The following CDH2 variants were observed in gnomAD, a reference collection of about 807,000 sequenced individuals.
CDH2 encodes the protein cadherin-2.
In CDH2, 17 loss-of-function variants were observed where a neutral mutation model predicts 92.0. The ratio of observed to expected loss-of-function variants is 0.18; its 90% confidence interval spans 0.13 to 0.28. CDH2 has a LOEUF of 0.28. CDH2 is among the 10% of genes least tolerant of loss of function. The probability of loss-of-function intolerance (pLI) is 1.00; values close to 1 mark genes in which losing one functional copy is unlikely to be tolerated. For missense variants in CDH2, 862 were observed against 1,133.1 expected (o/e 0.76, Z 3.44); for synonymous variants, 419 against 415.9 (o/e 1.01, Z -0.09).
intron 14 of CDH2, among the ~76,000 whole-genome samples, chr18:27,973,605 G>C (rs868025423): frequency 6.6e-6 from 1 of 152,170 alleles, no homozygotes; most frequent in South Asian, 2.1e-4. Flanking sequence ...CCCATTGTGG[G>C]TGAGGTAAAA....
chr18:28,061,144 T>C (rs1245595220), intron 2 of CDH2, among the ~76,000 whole-genome samples: 1 of 152,200 alleles, frequency 6.6e-6, no homozygotes. Context: ...CTTCTCAGTG[T>C]GGCCATGTAT....
At chr18:28,136,836 G>A (rs946405835) in intron 2 of CDH2, among the ~76,000 whole-genome samples, 3 of 151,986 alleles carry the variant, frequency 2.0e-5, no homozygotes, top group African/African-American at 4.8e-5. Context: ...AGAATCACTC[G>A]GAATTCACTT....
At chr18:28,113,050 T>C (rs188218541) in intron 2 of CDH2, among the ~76,000 whole-genome samples, 4 of 152,252 alleles carry the variant, frequency 2.6e-5, no homozygotes, top group Admixed American at 2.6e-4. Context: ...TAAATCTCCT[T>C]TCAATACAAC....
intron 2 of CDH2, among the ~76,000 whole-genome samples, chr18:28,143,687 A>AAT (rs3033680): frequency 0.99 from 151,024 of 152,028 alleles, 75,026 homozygotes; most frequent in South Asian, 1. Flanking sequence ...GTTATACCAT[A>AAT]AGTTTTTTAT....
intron 2 of CDH2, among the ~76,000 whole-genome samples, chr18:28,107,878 A>G (rs985073542): frequency 6.6e-6 from 1 of 152,208 alleles, no homozygotes; most frequent in Admixed American, 6.5e-5. Flanking sequence ...AGGAAAAAAG[A>G]AAAAAGAAAA....
chr18:28,151,022 CA>C (rs924697942), intron 1 of CDH2, among the ~76,000 whole-genome samples: 5 of 152,196 alleles, frequency 3.3e-5, no homozygotes, highest in Non-Finnish European at 7.3e-5. Flanking sequence ...GCTTACTTTG[CA>C]CCAAGCACTG....
intron 2 of CDH2, among the ~76,000 whole-genome samples, chr18:28,106,636 T>C (rs1475924658): frequency 6.6e-6 from 1 of 152,140 alleles, no homozygotes; most frequent in Non-Finnish European, 1.5e-5. Context: ...ACTTTTCTGT[T>C]TGTAAATTTC....
chr18:28,104,588 G>A (rs2015289893), intron 2 of CDH2, among the ~76,000 whole-genome samples: 1 of 151,126 alleles, frequency 6.6e-6, no homozygotes, highest in South Asian at 2.1e-4. Flanking sequence ...CTTTATCCAA[G>A]ATAATCATCT....
At chr18:28,167,285 C>T (rs1398993709) in intron 1 of CDH2, among the ~76,000 whole-genome samples, 1 of 152,058 alleles carries the variant, frequency 6.6e-6, no homozygotes, top group Non-Finnish European at 1.5e-5. Context: ...TGCCAAACTA[C>T]CAGAACTATG....
At chr18:27,943,935 G>A (rs75212244) in intron 6 of CDH2, among the ~76,000 whole-genome samples, 4,251 of 152,192 alleles carry the variant, frequency 0.028, 74 homozygotes, top group Non-Finnish European at 0.044. Flanking sequence ...AAAACTGTGG[G>A]ACAAAAGGAA....
At chr18:28,153,045 T>C (rs2016149971) in intron 1 of CDH2, among the ~76,000 whole-genome samples, 1 of 151,966 alleles carries the variant, frequency 6.6e-6, no homozygotes, top group African/African-American at 2.4e-5. Context: ...AGGAACAAAG[T>C]GCTAAAGAAG....
At chr18:28,107,698 A>T (rs1352507919) in intron 2 of CDH2, among the ~76,000 whole-genome samples, 3 of 152,058 alleles carry the variant, frequency 2.0e-5, no homozygotes, top group Admixed American at 2.0e-4. Context: ...GAAAGAGTGC[A>T]GCAGGTCAAA....
At chr18:28,054,985 T>C (rs1193600600) in intron 2 of CDH2, among the ~76,000 whole-genome samples, 1 of 152,164 alleles carries the variant, frequency 6.6e-6, no homozygotes, top group African/African-American at 2.4e-5. Flanking sequence ...CTCTCTATAC[T>C]GAGAAGACAG....
At chr18:27,992,885 T>A (rs11564320) in intron 8 of CDH2, 45 bp from the exon 9 acceptor site, 4 of 1,477,382 alleles carry the variant, frequency 2.7e-6, no homozygotes, top group Non-Finnish European at 3.7e-6. Flanking sequence ...CATGGACCAC[T>A]GAAGGACAAC....
In CDH2 at chr18:28,079,549, T is replaced by G. The variant is rs538680741; in HGVS notation, c.173-65640A>C. On this transcript the variant is annotated intron_variant, in intron 2 of 15. Transcript: ENST00000269141. ...TTTCATAATCCCACTGAATGAAATTTTTTTCCTTTGCAGGATAAATTTATT... is the reference window on the plus strand; with the variant it reads ...TTTCATAATCCCACTGAATGAAATTGTTTTCCTTTGCAGGATAAATTTATT... Among the ~76,000 whole-genome samples, 159 of 152,326 alleles carry G rather than the reference T, an allele frequency of 1.0e-3. 1 individual carries two copies. In the South Asian group the frequency reaches 0.024, roughly 23 times the overall value.
chr18:27,996,614 C>T (rs1040184865), intron 7 of CDH2, among the ~76,000 whole-genome samples: 4 of 152,148 alleles, frequency 2.6e-5, no homozygotes, highest in East Asian at 1.9e-4. Context: ...TGTTATCAGT[C>T]GTATGTCTGT....
intron 2 of CDH2, among the ~76,000 whole-genome samples, chr18:28,019,872 G>A (rs1233449109): frequency 2.0e-5 from 3 of 151,962 alleles, no homozygotes; most frequent in African/African-American, 7.3e-5. Flanking sequence ...TAATCAGTTG[G>A]GTCAATATCT....
In CDH2 at chr18:27,992,729, C is replaced by A; in HGVS notation, c.1270G>T (p.Gly424Cys). ...GCGAACCGTCCAGTAGGATCTCCGC[C>A]ACTGATTCTGTACACTGCGTTCCAG... is the stretch of plus-strand genomic sequence containing the variant. ...PAWNAVYRIS[G>C]GDPTGRFAIQ... Residue 424 changes from glycine (G) to cysteine (C), a missense_variant, in exon 9 of 16, where the codon GGC (glycine) becomes TGC (cysteine). Coordinates refer to ENST00000269141, the MANE Select transcript of CDH2 (RefSeq NM_001792.5). The A allele has an allele frequency of 6.2e-7, 1 of 1,614,114 alleles. No homozygotes were observed. The highest frequency in any genetic ancestry group is 1.7e-5 in the Admixed American group (1 of 60,022).
intron 1 of CDH2, among the ~76,000 whole-genome samples, chr18:28,175,703 A>T (rs8098878): frequency 2.6e-5 from 4 of 151,758 alleles, no homozygotes; most frequent in African/African-American, 9.7e-5. Context: ...ACCTGTCTCC[A>T]CCCCCGGAGC....
Sources: gnomAD v4.1 joint callset for allele counts (sites outside exome capture counted in the v4.1 genomes callset) on GRCh38, gnomAD v4.1.1 for gene constraint, MANE v1.5 for transcripts, NCBI Gene and HGNC (gene_info 2026-07-23, HGNC 2026-07-21) for gene names.